LNP1: variants seen among roughly 807,000 people sequenced by gnomAD.
LNP1 encodes leukemia NUP98 fusion partner 1.
Under a neutral mutation model 14.5 loss-of-function variants are expected in LNP1, and 12 were observed. That is an observed-to-expected ratio of 0.83 (90% CI 0.53 to 1.34). The LOEUF is 1.34. Among genes scored for constraint, LNP1 ranks in the 40% most tolerant of loss-of-function variants. LNP1 has a pLI of 0.00. For missense variants in LNP1, 198 were observed against 210.9 expected (o/e 0.94, Z 0.38); for synonymous variants, 75 against 71.4 (o/e 1.05, Z -0.26).
At chr3:100,444,656 T>A (rs1311622475) in intron 2 of LNP1, among the ~76,000 whole-genome samples, 1 of 152,208 alleles carries the variant, frequency 6.6e-6, no homozygotes, top group Admixed American at 6.5e-5. Context: ...GTGAAATAAG[T>A]CATTTCATTT....
chr3:100,419,586 C>T (rs1169594526), intron 1 of LNP1, among the ~76,000 whole-genome samples: 1 of 152,112 alleles, frequency 6.6e-6, no homozygotes, highest in Non-Finnish European at 1.5e-5. Context: ...CAGAACTGGT[C>T]TATCATCAGA....
intron 2 of LNP1, among the ~76,000 whole-genome samples, chr3:100,442,092 T>A (rs1487928761): frequency 6.6e-6 from 1 of 152,222 alleles, no homozygotes; most frequent in Non-Finnish European, 1.5e-5. Flanking sequence ...TCCTAAACAT[T>A]TATGGCTCCA....
At chr3:100,437,159 G>A (rs773727885) in intron 2 of LNP1, among the ~76,000 whole-genome samples, 11 of 152,206 alleles carry the variant, frequency 7.2e-5, no homozygotes, top group South Asian at 6.2e-4. Flanking sequence ...TGGAGAGCTA[G>A]TAGGGAAAAC....
chr3:100,429,829 C>T lies in LNP1; in HGVS notation c.100C>T (p.Arg34Trp), dbSNP rs758984362. 1.8e-5 allele frequency: 29 copies of T among 1,613,754 alleles called. No homozygotes were observed. Among genetic ancestry groups the T allele is most frequent in the Middle Eastern group, 1.6e-4 (1 of 6,078 alleles). Residue 34 changes from arginine (R) to tryptophan (W), a missense_variant, in exon 2 of 4, where the codon CGG becomes TGG. Physicochemically the swap from Arg to Trp is moderately radical, Grantham distance 101. Coordinates refer to ENST00000383693, the MANE Select transcript of LNP1 (RefSeq NM_001085451.2). ...SWREEDQRGL[R>W]ERHRLQATSH... ...GAGAGAGGAGGATCAGAGAGGACTC[C>T]GGGAACGCCACCGACTGCAAGCCAC...
chr3:100,455,687 G>A (rs1707503293), intron 3 of LNP1, 90 bp from the exon 4 acceptor site: 1 of 1,255,630 alleles, frequency 8.0e-7, no homozygotes, highest in Non-Finnish European at 1.1e-6. Context: ...TAAACCATCA[G>A]GGCTTTCTCC....
chr3:100,442,679 G>A (rs1030781016), intron 2 of LNP1, among the ~76,000 whole-genome samples: 2 of 152,174 alleles, frequency 1.3e-5, no homozygotes, highest in Non-Finnish European at 2.9e-5. Flanking sequence ...ATGGGAGGCA[G>A]GTTGGCCCTA....
chr3:100,415,259 A>G (rs1707070928), intron 1 of LNP1, among the ~76,000 whole-genome samples: 1 of 152,226 alleles, frequency 6.6e-6, no homozygotes, highest in Non-Finnish European at 1.5e-5. Flanking sequence ...GAAGGTTAAT[A>G]TACAGAATAC....
chr3:100,412,113 CTGTT>C (rs1707037187), intron 1 of LNP1, among the ~76,000 whole-genome samples: 1 of 152,140 alleles, frequency 6.6e-6, no homozygotes, highest in South Asian at 2.1e-4. Context: ...GCGCTGGCAT[CTGTT>C]TGGCTTCTGG....
At chr3:100,446,964 A>ACC (rs1707394167) in intron 2 of LNP1, among the ~76,000 whole-genome samples, 1 of 152,138 alleles carries the variant, frequency 6.6e-6, no homozygotes, top group Non-Finnish European at 1.5e-5. Flanking sequence ...GGTGCTGGAA[A>ACC]GGATGTGGAG....
At position 100,429,663 on chromosome 3, in the gene LNP1, C is replaced by T. The variant is rs952545059; in HGVS notation, c.-33-34C>T. On this transcript the variant is annotated intron_variant, in intron 1 of 3. Transcript: ENST00000383693. ...AGAGATCCTGGGTTTCATTGTCAGC[C>T]CTGTTGGGTGATATTTCCCTCTGTC... is the stretch of plus-strand genomic sequence containing the variant. 1.3e-5 allele frequency: 18 copies of T among 1,410,378 alleles called. No homozygotes were observed. In the East Asian group the frequency reaches 3.7e-4, roughly 29 times the overall value. The allele number at this position is 1,410,378 out of a possible 1,614,324, so 87.4% of individuals were successfully genotyped here.
intron 2 of LNP1, among the ~76,000 whole-genome samples, chr3:100,436,734 C>T (rs1279565470): frequency 6.6e-6 from 1 of 152,092 alleles, no homozygotes; most frequent in Non-Finnish European, 1.5e-5. Flanking sequence ...GTTTGTGCTT[C>T]CCCTTCCCCC....
intron 1 of LNP1, among the ~76,000 whole-genome samples, chr3:100,408,404 A>G (rs1706993083): frequency 6.6e-6 from 1 of 152,204 alleles, no homozygotes; most frequent in African/African-American, 2.4e-5. Context: ...TAGCACTGGG[A>G]TGGAATCCTG....
Position 100,429,783 on chromosome 3 carries a change from C to T in LNP1, c.54C>T (p.Ser18=). 1 of 1,613,866 alleles carries T rather than the reference C, an allele frequency of 6.2e-7. No homozygotes were observed. Among genetic ancestry groups the T allele is most frequent in the Non-Finnish European group, 8.5e-7 (1 of 1,179,926 alleles). Residue 18 remains serine (S), a synonymous_variant, in exon 2 of 4, where the codon AGC becomes AGT. Coordinates refer to ENST00000383693, the MANE Select transcript of LNP1 (RefSeq NM_001085451.2). ...DDDVSFAKWM[S]SFWGHSWREE... is the part of the protein sequence containing the mutation. ...ATGTGTCTTTTGCCAAATGGATGAG[C>T]AGCTTCTGGGGCCACAGCTGGAGAG...
intron 3 of LNP1, among the ~76,000 whole-genome samples, chr3:100,453,579 ACT>A: frequency 6.8e-6 from 1 of 147,814 alleles, no homozygotes; most frequent in East Asian, 2.2e-4. Flanking sequence ...ACAGAGCAAG[ACT>A]CTCAAAAAAA....
At chr3:100,432,538 C>T (rs992815357) in intron 2 of LNP1, among the ~76,000 whole-genome samples, 2 of 152,090 alleles carry the variant, frequency 1.3e-5, no homozygotes, top group African/African-American at 4.8e-5. Context: ...AAAGCTTAGG[C>T]CTTTTTATAG....
chr3:100,422,350 A>G (rs369195755), intron 1 of LNP1, among the ~76,000 whole-genome samples: 1 of 151,814 alleles, frequency 6.6e-6, no homozygotes, highest in East Asian at 1.9e-4. Context: ...AGCCCAGCTA[A>G]TTTTTTGCAT....
At chr3:100,452,230 TC>T (rs1327822636) in intron 3 of LNP1, among the ~76,000 whole-genome samples, 1 of 141,672 alleles carries the variant, frequency 7.1e-6, no homozygotes, top group African/African-American at 2.7e-5. Context: ...TGAGATAGGG[TC>T]TTACTCTGTT....
At chr3:100,424,891 T>A (rs887783909) in intron 1 of LNP1, among the ~76,000 whole-genome samples, 1 of 152,232 alleles carries the variant, frequency 6.6e-6, no homozygotes, top group African/African-American at 2.4e-5. Context: ...GAGTATTGAC[T>A]TTACTTAAAA....
chr3:100,411,267 T>A (rs1393888944), intron 1 of LNP1, among the ~76,000 whole-genome samples: 1 of 152,246 alleles, frequency 6.6e-6, no homozygotes, highest in Non-Finnish European at 1.5e-5. Flanking sequence ...AGCACATGAC[T>A]TGTCTGGTTT....
Sources: allele counts gnomAD v4.1 joint callset (sites outside exome capture counted in the v4.1 genomes callset), GRCh38; gene constraint gnomAD v4.1.1; transcripts MANE v1.5; gene names NCBI Gene and HGNC (gene_info 2026-07-23, HGNC 2026-07-21).